NSD3: variants seen among roughly 807,000 people sequenced by gnomAD.
The protein encoded by NSD3 is histone-lysine N-methyltransferase NSD3.
In NSD3, 24 loss-of-function variants were observed where a neutral mutation model predicts 160.8. The ratio of observed to expected loss-of-function variants is 0.15; its 90% CI spans 0.11 to 0.21. The LOEUF (loss-of-function observed/expected upper bound fraction) is 0.21, where lower values mean the gene tolerates loss of function less well. Among genes scored for constraint, NSD3 ranks in the 10% least tolerant of loss-of-function variants. The pLI is 1.00. For missense variants in NSD3, 1,157 were observed against 1,735.9 expected, an observed-to-expected ratio of 0.67 and a Z score of 5.93; for synonymous variants, 520 against 600.0, an observed-to-expected ratio of 0.87 and a Z score of 1.95.
In NSD3 at chr8:38,361,526, CG is replaced by C. The variant is rs1360809995; in HGVS notation, c.-44-13312del. Among the ~76,000 whole-genome samples, 4 of 149,450 alleles carry C rather than the reference CG, an allele frequency of 2.7e-5. No homozygotes were observed. In the East Asian group the frequency reaches 8.2e-4, roughly 31 times the overall value. ...ATCCCAGCACTTTGGGAGGCCGAGG[CG>C]GGCGGATCACGAGGTCAGGAGATCG... On this transcript the variant is annotated intron_variant, in intron 1 of 23. Coordinates refer to ENST00000317025, the MANE Select transcript of NSD3 (RefSeq NM_023034.2).
chr8:38,275,209 T>C lies in NSD3; in HGVS notation c.*432A>G, dbSNP rs902309898. 1.9e-5 allele frequency: 5 copies of C among 256,686 alleles called. No individual in the cohort carries two copies. Among genetic ancestry groups the C allele is most frequent in the African/African-American group, 4.4e-5 (2 of 45,548 alleles). 15.9% of individuals were successfully genotyped at this position (256,686 alleles called of 1,614,324 possible). On this transcript the variant is annotated 3_prime_UTR_variant, in exon 24 of 24. Coordinates refer to ENST00000317025, the MANE Select transcript of NSD3 (RefSeq NM_023034.2). ...AAAACACACACACACTTGATTAGAC[T>C]ATTGAACTACACTTCTTGAAATTCC...
chr8:38,373,934 CAAAAA>C (rs61532119), intron 1 of NSD3, among the ~76,000 whole-genome samples: 55 of 25,142 alleles, frequency 2.2e-3, no homozygotes, highest in African/African-American at 6.3e-3. Flanking sequence ...TCTGTCTCTA[CAAAAA>C]AAAAAAAAAA....
intron 1 of NSD3, 22 bp downstream of exon 1, chr8:38,381,775 TAC>T: frequency 2.7e-5 from 3 of 112,658 alleles, no homozygotes; most frequent in Non-Finnish European, 5.8e-5. Flanking sequence ...CACACACACA[TAC>T]ACACACGCAC....
chr8:38,314,742 G>A lies in NSD3; in HGVS notation c.2147C>T (p.Pro716Leu), dbSNP rs1809615512. The A allele has an allele frequency of 6.2e-7, 1 of 1,614,028 alleles. No individual in the cohort carries two copies. The highest frequency in any genetic ancestry group is 1.3e-5 in the African/African-American group (1 of 74,938). The change falls in exon 12 of 24, where the codon CCT becomes CTT. Residue 716 changes from proline (P) to leucine (L), a missense_variant. By Grantham distance (98) the Pro-to-Leu change is moderately conservative. This residue lies in a region of NSD3 where 437 missense variants were observed against 576.6 expected (regional missense o/e 0.76). Transcript: ENST00000317025. The stretch of plus-strand genomic sequence containing the variant: ...GTGTTTGCAGCACTCTCCCTCACAA[G>A]GAATCAGAGAGTCACCAGAGCTTTC... ...ICESSGDSLI[P>L]CEGECCKHFH...
At chr8:38,369,484 A>C (rs1194071896) in intron 1 of NSD3, among the ~76,000 whole-genome samples, 3 of 152,248 alleles carry the variant, frequency 2.0e-5, no homozygotes, top group African/African-American at 7.2e-5. Flanking sequence ...AACTTCTATG[A>C]AAGTGAGTTT....
In NSD3 at chr8:38,376,719, G is replaced by A. The variant is rs952752781; in HGVS notation, c.-45+5080C>T. Among the ~76,000 whole-genome samples, 4 of 152,180 alleles carry A rather than the reference G, an allele frequency of 2.6e-5. No individual in the cohort carries two copies. The East Asian group carries it at 7.7e-4, about 29-fold the overall frequency. ...CGCAAAGTGCTGGGGTTACAGGCGT[G>A]AGCCACTGCGCCCGGCCAGGCAGCT... is the stretch of plus-strand genomic sequence containing the variant. On this transcript the variant is annotated intron_variant, in intron 1 of 23. Transcript: ENST00000317025.
At chr8:38,343,905 T>A (rs1810448185) in intron 2 of NSD3, among the ~76,000 whole-genome samples, 1 of 152,128 alleles carries the variant, frequency 6.6e-6, no homozygotes, top group Non-Finnish European at 1.5e-5. Flanking sequence ...TCTGCCTTAG[T>A]GGATTAGCCC....
intron 16 of NSD3, among the ~76,000 whole-genome samples, chr8:38,294,775 C>T (rs1035637467): frequency 4.0e-5 from 6 of 150,364 alleles, no homozygotes; most frequent in Non-Finnish European, 5.9e-5. Context: ...CCCAGGAGTT[C>T]GAGACCAGCC....
chr8:38,363,088 G>GA (rs1811022740), intron 1 of NSD3, among the ~76,000 whole-genome samples: 1 of 152,168 alleles, frequency 6.6e-6, no homozygotes, highest in African/African-American at 2.4e-5. Flanking sequence ...GTCATGGAAA[G>GA]AAAAACAAAA....
At chr8:38,373,089 A>G (rs527286798) in intron 1 of NSD3, among the ~76,000 whole-genome samples, 25 of 152,190 alleles carry the variant, frequency 1.6e-4, no homozygotes, top group East Asian at 7.7e-4. Context: ...AGAAAAAAGA[A>G]AAACCAAGGA....
chr8:38,360,798 T>G (rs1391610463), intron 1 of NSD3, among the ~76,000 whole-genome samples: 1 of 152,184 alleles, frequency 6.6e-6, no homozygotes, highest in Non-Finnish European at 1.5e-5. Context: ...TATATTTTCA[T>G]GTAATTTTAC....
chr8:38,375,072 A>G (rs951119131), intron 1 of NSD3, among the ~76,000 whole-genome samples: 2 of 152,232 alleles, frequency 1.3e-5, no homozygotes, highest in African/African-American at 4.8e-5. Context: ...ATTTTTAAAA[A>G]GCCAAGTTAT....
At chr8:38,331,334 T>C (rs1205522394) in intron 5 of NSD3, 97 bp downstream of exon 5, 1 of 1,337,530 alleles carries the variant, frequency 7.5e-7, no homozygotes, top group African/African-American at 1.5e-5. Flanking sequence ...AAAAAAAGGA[T>C]TCTAATAATT....
At chr8:38,350,570 T>G (rs1810667146) in intron 1 of NSD3, among the ~76,000 whole-genome samples, 1 of 152,224 alleles carries the variant, frequency 6.6e-6, no homozygotes, top group African/African-American at 2.4e-5. Flanking sequence ...TTTTTGCCAG[T>G]ATCTACTTAT....
intron 16 of NSD3, among the ~76,000 whole-genome samples, chr8:38,295,512 G>C (rs2131000076): frequency 6.6e-6 from 1 of 152,066 alleles, no homozygotes; most frequent in South Asian, 2.1e-4. Flanking sequence ...AGTGAGCTGC[G>C]ATACCACTGC....
At chr8:38,343,157 A>C (rs1312080298) in intron 2 of NSD3, among the ~76,000 whole-genome samples, 3 of 151,914 alleles carry the variant, frequency 2.0e-5, no homozygotes, top group Non-Finnish European at 4.4e-5. Context: ...AGATCGTGCC[A>C]CTGTACTCCA....
At chr8:38,307,692 AACAC>A (rs1366577907) in intron 12 of NSD3, among the ~76,000 whole-genome samples, 1 of 151,942 alleles carries the variant, frequency 6.6e-6, no homozygotes, top group African/African-American at 2.4e-5. Context: ...TTTGTACTAA[AACAC>A]ACACACACAG....
At chr8:38,301,127 G>T (rs1809265984) in intron 14 of NSD3, among the ~76,000 whole-genome samples, 1 of 152,088 alleles carries the variant, frequency 6.6e-6, no homozygotes, top group South Asian at 2.1e-4. Flanking sequence ...TTGTCCCCAT[G>T]CCTGGCTACG....
At chr8:38,313,787 C>CAAAAAAAA (rs547027189) in intron 12 of NSD3, among the ~76,000 whole-genome samples, 1 of 65,402 alleles carries the variant, frequency 1.5e-5, no homozygotes, top group Non-Finnish European at 3.2e-5. Context: ...GACTCTGTCT[C>CAAAAAAAA]AAAAAAAAAA....
Sources: allele counts gnomAD v4.1 joint callset (sites outside exome capture counted in the v4.1 genomes callset), GRCh38; gene constraint gnomAD v4.1.1; regional missense constraint gnomAD v4.1.1; transcripts MANE v1.5; gene names NCBI Gene and HGNC (gene_info 2026-07-23, HGNC 2026-07-21).